The following ZNF283 variants were observed in gnomAD, a reference collection of about 807,000 sequenced individuals.
ZNF283 encodes zinc finger protein 283.
In ZNF283, 10 loss-of-function variants were observed where a neutral mutation model predicts 9.2. That is an observed-to-expected ratio of 1.09 (90% CI 0.67 to 1.85). The LOEUF (loss-of-function observed/expected upper bound fraction) is 1.85. ZNF283 is among the 40% of genes most tolerant of loss of function. ZNF283 has a pLI of 0.00. For missense variants in ZNF283, 631 were observed against 760.1 expected, an observed-to-expected ratio of 0.83 and a Z score of 2.00; for synonymous variants, 234 against 244.1, an observed-to-expected ratio of 0.96 and a Z score of 0.38.
Position 43,847,028 on chromosome 19 carries a change from A to G in ZNF283, c.427A>G (p.Lys143Glu). 6.2e-7 allele frequency: 1 copy of G among 1,608,694 alleles called. No homozygotes were observed. Among genetic ancestry groups the G allele is most frequent in the Admixed American group, 1.7e-5 (1 of 58,996 alleles). The change falls in exon 7 of 7, where the codon AAA (lysine) becomes GAA (glutamate). Residue 143 changes from lysine (K) to glutamate (E), a missense_variant. Physicochemically the swap from Lys to Glu is moderately conservative, Grantham distance 56. Transcript: ENST00000618787. The stretch of plus-strand genomic sequence containing the variant: ...TTTTTCCCAGTGGGAGATGAAGGAC[A>G]AAAGTAAAACCCTTGGCCTTGAGGC... The part of the protein sequence containing the change: ...INFSQWEMKD[K>E]SKTLGLEASI...
intron 6 of ZNF283, chr19:43,838,208 A>G (rs906229482): frequency 2.6e-5 from 4 of 152,170 alleles, no homozygotes; most frequent in African/African-American, 9.7e-5. Flanking sequence ...TGATTAATTT[A>G]TCATTACTCA....
Position 43,847,682 on chromosome 19 carries a change from C to T in ZNF283, c.1081C>T (p.Gln361Ter). Residue 361 changes from glutamine to a stop codon, truncating the protein, a stop_gained, in exon 7 of 7, where the codon CAG (glutamine) becomes TAG (stop). Coordinates refer to ENST00000618787, the MANE Select transcript of ZNF283 (RefSeq NM_181845.2). LOFTEE classifies it low-confidence loss of function (END_TRUNC). ...TGGGAAGGCCTTCAGTCGTGGCTATCAGCTTACTCAGCATCAGAAAATCCA... is the reference window on the plus strand; with the variant it reads ...TGGGAAGGCCTTCAGTCGTGGCTATTAGCTTACTCAGCATCAGAAAATCCA... ...ECGKAFSRGY[Q>*]LTQHQKIHTG... is the part of the protein sequence containing the mutation. 6.2e-7 allele frequency: 1 copy of T among 1,613,100 alleles called. No individual in the cohort carries two copies. The highest frequency in any genetic ancestry group is 8.5e-7 in the Non-Finnish European group (1 of 1,179,502).
intron 6 of ZNF283, chr19:43,841,492 C>CCATGATTT (rs1971209278): frequency 6.8e-6 from 1 of 146,222 alleles, no homozygotes; most frequent in Non-Finnish European, 1.5e-5. Context: ...GAGTGCAGTG[C>CCATGATTT]CATGATTTCA....
At position 43,847,377 on chromosome 19, in the gene ZNF283, G is replaced by A. The variant is rs570503505; in HGVS notation, c.776G>A (p.Gly259Asp). Residue 259 changes from glycine (G) to aspartate (D), a missense_variant, in exon 7 of 7, where the codon GGT becomes GAT. Physicochemically the swap from Gly to Asp is moderately conservative, Grantham distance 94. Around this residue, in one of 3 missense-constraint regions of ZNF283, gnomAD observed 444 missense variants for 522.5 expected, o/e 0.85. Coordinates refer to ENST00000618787, the MANE Select transcript of ZNF283 (RefSeq NM_181845.2). ...QLNVHQRFHT[G>D]EKPYECKECG... Reference sequence around the variant, plus strand: ...AATGTGCATCAGAGATTTCATACTGGTGAGAAACCCTATGAGTGTAAGGAA... The same window carrying A: ...AATGTGCATCAGAGATTTCATACTGATGAGAAACCCTATGAGTGTAAGGAA... 1.2e-6 allele frequency: 2 copies of A among 1,613,972 alleles called. No individual in the cohort carries two copies. The highest frequency in any genetic ancestry group is 1.7e-6 in the Non-Finnish European group (2 of 1,179,924).
Position 43,849,984 on chromosome 19 carries a change from A to G in ZNF283, c.*1343A>G, listed in dbSNP as rs1047748330. ...CCACTCATCCATTTGAATTTCAGAT[A>G]GTTCATTCTGGATAAGATCTAGTAC... On this transcript the variant is annotated 3_prime_UTR_variant, in exon 7 of 7. Coordinates refer to ENST00000618787, the MANE Select transcript of ZNF283 (RefSeq NM_181845.2). 1.3e-5 allele frequency: 2 copies of G among 152,198 alleles called. No individual in the cohort carries two copies. The highest frequency in any genetic ancestry group is 2.9e-5 in the Non-Finnish European group (2 of 68,028). The allele number at this position is 152,198 out of a possible 1,614,324, so 9.4% of individuals were successfully genotyped here. A position where few individuals can be genotyped will look rare whatever the true frequency, so the allele number is the denominator to read the frequency against.
intron 1 of ZNF283, chr19:43,827,795 C>T (rs576241972): frequency 1.1e-4 from 16 of 152,174 alleles, no homozygotes; most frequent in Non-Finnish European, 1.8e-4. Context: ...AGCCTGTCTT[C>T]GGGCCTGCCA....
Position 43,847,750 on chromosome 19 carries a change from T to G in ZNF283, c.1149T>G (p.Ala383=). 1 of 1,612,218 alleles carries G rather than the reference T, an allele frequency of 6.2e-7. No individual in the cohort carries two copies. Among genetic ancestry groups the G allele is most frequent in the South Asian group, 1.1e-5 (1 of 90,992 alleles). ...ATGAATGTAAAATATGTGGAAAGGC[T>G]TTTTGTTGGGGCTATCAACTTACTC... ...KPYECKICGK[A]FCWGYQLTRH... is the part of the protein sequence containing the mutation. Residue 383 remains alanine (A), a synonymous_variant, in exon 7 of 7, where the codon GCT becomes GCG. Coordinates refer to ENST00000618787, the MANE Select transcript of ZNF283 (RefSeq NM_181845.2).
chr19:43,848,495 T>C lies in ZNF283; in HGVS notation c.1894T>C (p.Phe632Leu). The C allele has an allele frequency of 3.7e-6, 6 of 1,613,480 alleles. No individual in the cohort carries two copies. Among genetic ancestry groups the C allele is most frequent in the Non-Finnish European group, 5.1e-6 (6 of 1,179,520 alleles). The stretch of plus-strand genomic sequence containing the variant: ...TGAGAAGCTTTATCAACGTAAGGAA[T>C]TCGGGAAGACCTTTACTTGTGGCTC... ...TGEKLYQRKE[F>L]GKTFTCGSKL... Residue 632 changes from phenylalanine (F) to leucine (L), a missense_variant, in exon 7 of 7, where the codon TTC becomes CTC. Physicochemically the swap from Phe to Leu is conservative, Grantham distance 22. This residue lies in a region of ZNF283 where 444 missense variants were observed against 522.5 expected (regional missense o/e 0.85). Coordinates refer to ENST00000618787, the MANE Select transcript of ZNF283 (RefSeq NM_181845.2).
chr19:43,829,794 C>T (rs144505997), intron 2 of ZNF283, among the ~76,000 whole-genome samples: 5,551 of 152,078 alleles, frequency 0.037, 337 homozygotes, highest in African/African-American at 0.12. Context: ...GAGTCCGAGG[C>T]GGGTGGATCA....
Position 43,847,689 on chromosome 19 carries a change from C to G in ZNF283, c.1088C>G (p.Thr363Ser). The change falls in exon 7 of 7, where the codon ACT becomes AGT. Residue 363 changes from threonine to serine, a missense_variant. Around this residue, in one of 3 missense-constraint regions of ZNF283, gnomAD observed 444 missense variants for 522.5 expected, o/e 0.85. Coordinates refer to ENST00000618787, the MANE Select transcript of ZNF283 (RefSeq NM_181845.2). ...GCCTTCAGTCGTGGCTATCAGCTTA[C>G]TCAGCATCAGAAAATCCATACTGGT... ...GKAFSRGYQL[T>S]QHQKIHTGKK... 1 of 1,613,102 alleles carries G rather than the reference C, an allele frequency of 6.2e-7. No individual in the cohort carries two copies. Among genetic ancestry groups the G allele is most frequent in the South Asian group, 1.1e-5 (1 of 91,034 alleles).
In ZNF283 at chr19:43,847,925, C is replaced by T. The variant is rs745563277; in HGVS notation, c.1324C>T (p.Arg442Cys). The T allele has an allele frequency of 1.2e-6, 2 of 1,612,550 alleles. No individual in the cohort carries two copies. The highest frequency in any genetic ancestry group is 1.7e-5 in the Admixed American group (1 of 59,872). ...ECKECGKAFS[R>C]GYHLSQHQKI... ...TAAAGAATGTGGAAAGGCCTTTAGT[C>T]GTGGCTATCACCTTTCTCAACATCA... The change falls in exon 7 of 7, where the codon CGT becomes TGT. Residue 442 changes from arginine (R) to cysteine (C), a missense_variant. Coordinates refer to ENST00000618787, the MANE Select transcript of ZNF283 (RefSeq NM_181845.2).
rs935191099 is a variant in ZNF283, at chr19:43,842,822, A to G, written c.338-4117A>G. Among the ~76,000 whole-genome samples the G allele has an allele frequency of 1.1e-4, 17 of 152,252 alleles. No individual in the cohort carries two copies. The South Asian group carries it at 1.2e-3, about 11-fold the overall frequency. ...GCACCAAATAGTACTAGTAATCATC[A>G]TATTCTTTACCTCCACACACAAAGA... On this transcript the variant is annotated intron_variant, in intron 6 of 6. Transcript: ENST00000618787.
chr19:43,846,815 G>C, intron 6 of ZNF283, 124 bp from the exon 7 acceptor site: 1 of 647,628 alleles, frequency 1.5e-6, no homozygotes, highest in Non-Finnish European at 2.4e-6. Context: ...TAACAAGGGA[G>C]TGCCTTAATG....
At chr19:43,833,456 T>C in intron 3 of ZNF283, 49 bp from the exon 4 acceptor site, 1 of 261,436 alleles carries the variant, frequency 3.8e-6, no homozygotes, top group South Asian at 3.5e-5. Context: ...GTATTCATCT[T>C]GTGTGTTTCT....
chr19:43,845,715 G>A (rs979911520), intron 6 of ZNF283, among the ~76,000 whole-genome samples: 5 of 151,932 alleles, frequency 3.3e-5, no homozygotes, highest in Non-Finnish European at 5.9e-5. Context: ...CATATAGAGT[G>A]GACAGTTTAC....
At position 43,846,892 on chromosome 19, in the gene ZNF283, TCCCTAGTGAAGGAAATAAAATGTGTGG is replaced by T. The variant is rs1971418858; in HGVS notation, c.338-46_338-20del. The T allele has an allele frequency of 1.5e-5, 18 of 1,192,308 alleles. No individual in the cohort carries two copies. Among genetic ancestry groups the T allele is most frequent in the Admixed American group, 6.7e-5 (2 of 29,758 alleles). The allele number at this position is 1,192,308 out of a possible 1,614,324, so 73.9% of individuals were successfully genotyped here. A position where few individuals can be genotyped will look rare whatever the true frequency, so the allele number is the denominator to read the frequency against. On this transcript the variant is annotated intron_variant, in intron 6 of 6. Coordinates refer to ENST00000618787, the MANE Select transcript of ZNF283 (RefSeq NM_181845.2). ...TTCTACTGTAGTTTTTTTTTTTTTT[TCCCTAGTGAAGGAAATAAAATGTGTGG>T]TTTTCTTGTTTTCTTTCAGATTTGG...
chr19:43,833,485 T>TC lies in ZNF283; in HGVS notation c.1-20_1-19insC. On this transcript the variant is annotated intron_variant, in intron 3 of 6. Coordinates refer to ENST00000618787, the MANE Select transcript of ZNF283 (RefSeq NM_181845.2). ...TGTTTCTTTCTTCTTTACCTATTTCTTTTTTTTTTTTTTTTTCAGATGGAG... is the reference window on the plus strand; with the variant it reads ...TGTTTCTTTCTTCTTTACCTATTTCTCTTTTTTTTTTTTTTTTCAGATGGAG... 2 of 69,140 alleles carry TC rather than the reference T, an allele frequency of 2.9e-5. No individual in the cohort carries two copies. The highest frequency in any genetic ancestry group is 5.8e-5 in the Non-Finnish European group (2 of 34,374). The allele number at this position is 69,140 out of a possible 1,614,324, so 4.3% of individuals were successfully genotyped here.
chr19:43,839,866 T>C (rs1971129859), intron 6 of ZNF283, among the ~76,000 whole-genome samples: 1 of 152,214 alleles, frequency 6.6e-6, no homozygotes, highest in Non-Finnish European at 1.5e-5. Flanking sequence ...TGTAGCTCAT[T>C]GAGCATATTT....
Position 43,848,833 on chromosome 19 carries a change from C to A in ZNF283, c.*192C>A. The stretch of plus-strand genomic sequence containing the variant: ...TTTGAATATAATTAATATGAAAAGG[C>A]CTTTAGACTTCTGTACAGTCTTATT... On this transcript the variant is annotated 3_prime_UTR_variant, in exon 7 of 7. Transcript: ENST00000618787. 2.1e-6 allele frequency: 1 copy of A among 485,150 alleles called. No homozygotes were observed. Among genetic ancestry groups the A allele is most frequent in the Non-Finnish European group, 3.5e-6 (1 of 283,364 alleles). The allele number at this position is 485,150 out of a possible 1,614,324, so 30.1% of individuals were successfully genotyped here. A position where few individuals can be genotyped will look rare whatever the true frequency, so the allele number is the denominator to read the frequency against.
Sources: allele counts gnomAD v4.1 joint callset (sites outside exome capture counted in the v4.1 genomes callset), GRCh38; gene constraint gnomAD v4.1.1; regional missense constraint gnomAD v4.1.1; transcripts MANE v1.5; gene names NCBI Gene and HGNC (gene_info 2026-07-23, HGNC 2026-07-21).